The following CELF4 variants were observed in gnomAD, a reference collection of about 807,000 sequenced individuals.
CELF4 encodes the protein CUGBP Elav-like family member 4, also known as CUG-BP- and ETR-3-like factor 4.
In CELF4, 18 loss-of-function variants were observed where a neutral mutation model predicts 59.9. The ratio of observed to expected loss-of-function variants is 0.30; its 90% CI spans 0.21 to 0.45. The LOEUF (loss-of-function observed/expected upper bound fraction) is 0.45, where lower values mean the gene tolerates loss of function less well. CELF4 is among the 20% of genes least tolerant of loss of function. CELF4 has a pLI of 1.00. For missense variants in CELF4, 456 were observed against 689.0 expected (o/e 0.66, Z 3.79); for synonymous variants, 261 against 267.1 (o/e 0.98, Z 0.22).
Position 37,275,101 on chromosome 18 carries a change from C to T in CELF4, c.577+14G>A, listed in dbSNP as rs751197077. 1 of 1,611,870 alleles carries T rather than the reference C, an allele frequency of 6.2e-7. No individual in the cohort carries two copies. The highest frequency in any genetic ancestry group is 1.1e-5 in the South Asian group (1 of 91,018). On this transcript the variant is annotated intron_variant, in intron 4 of 12. Coordinates refer to ENST00000420428, the MANE Select transcript of CELF4 (RefSeq NM_020180.4). The stretch of plus-strand genomic sequence containing the variant: ...CTCCCTCCGGGGCATCCCTCCCGGC[C>T]CCGCCCCGCGCACCCTTGCTGTTGC...
intron 1 of CELF4, among the ~76,000 whole-genome samples, chr18:37,491,727 C>T (rs1332197908): frequency 3.3e-5 from 5 of 152,098 alleles, no homozygotes; most frequent in African/African-American, 7.2e-5. Context: ...AGGGTGCTGT[C>T]GGGCTAGGGT....
intron 2 of CELF4, among the ~76,000 whole-genome samples, chr18:37,374,335 A>G (rs947762981): frequency 3.3e-5 from 5 of 152,150 alleles, no homozygotes; most frequent in African/African-American, 1.2e-4. Context: ...GGCGGTCCTC[A>G]CTGCCTGGTG....
intron 2 of CELF4, among the ~76,000 whole-genome samples, chr18:37,460,905 GA>G (rs2099791632): frequency 6.6e-6 from 1 of 152,166 alleles, no homozygotes; most frequent in Non-Finnish European, 1.5e-5. Flanking sequence ...TTTGCTATGG[GA>G]AAGGAAAAAA....
At chr18:37,447,453 A>G (rs1164261580) in intron 2 of CELF4, among the ~76,000 whole-genome samples, 2 of 152,090 alleles carry the variant, frequency 1.3e-5, no homozygotes, top group Admixed American at 1.3e-4. Context: ...CCTCACTTGC[A>G]CCCCGTGCTC....
rs193276172 is a variant in CELF4, at chr18:37,554,211, G to A, written c.286+11145C>T. Reference sequence around the variant, plus strand: ...CCTGGGAACTGTCTGGGGCAGCCTCGGGGGCTGGGGCTCTGCAAGGAAGGC... The same window carrying A: ...CCTGGGAACTGTCTGGGGCAGCCTCAGGGGCTGGGGCTCTGCAAGGAAGGC... On this transcript the variant is annotated intron_variant, in intron 1 of 12. Transcript: ENST00000420428. Among the ~76,000 whole-genome samples the A allele has an allele frequency of 3.0e-3, 455 of 152,294 alleles. 7 individuals are homozygous for A. The highest frequency in any genetic ancestry group is 0.011 in the African/African-American group (444 of 41,572).
At chr18:37,497,222 C>G (rs552956602) in intron 1 of CELF4, among the ~76,000 whole-genome samples, 31 of 152,178 alleles carry the variant, frequency 2.0e-4, no homozygotes, top group Non-Finnish European at 1.5e-5. Context: ...TACACAAGAC[C>G]CAACAAACCA....
chr18:37,365,538 T>A (rs1251979640), intron 2 of CELF4, among the ~76,000 whole-genome samples: 2 of 130,788 alleles, frequency 1.5e-5, no homozygotes, highest in African/African-American at 5.9e-5. Context: ...CAGGCTGGAG[T>A]GCAATCATGC....
intron 3 of CELF4, among the ~76,000 whole-genome samples, chr18:37,295,674 A>G (rs2095597492): frequency 6.6e-6 from 1 of 152,252 alleles, no homozygotes; most frequent in South Asian, 2.1e-4. Context: ...AAGTTCACCT[A>G]CAATCAAACA....
intron 1 of CELF4, among the ~76,000 whole-genome samples, chr18:37,493,162 C>A (rs2099911978): frequency 6.6e-6 from 1 of 152,216 alleles, no homozygotes. Context: ...CTTCTCCACC[C>A]CCATGGGGTA....
chr18:37,412,677 T>G (rs1196411053), intron 2 of CELF4, among the ~76,000 whole-genome samples: 18 of 152,144 alleles, frequency 1.2e-4, no homozygotes, highest in Non-Finnish European at 1.5e-5. Flanking sequence ...GATGAGTGCA[T>G]GTGTGTATGG....
intron 2 of CELF4, 95 bp downstream of exon 2, chr18:37,485,430 C>T: frequency 3.3e-6 from 2 of 607,952 alleles, no homozygotes; most frequent in Non-Finnish European, 4.2e-6. Context: ...GGGCGCCCTG[C>T]CGTCCTCTCC....
intron 11 of CELF4, among the ~76,000 whole-genome samples, chr18:37,257,281 C>T (rs963163481): frequency 6.6e-6 from 1 of 152,204 alleles, no homozygotes; most frequent in African/African-American, 2.4e-5. Flanking sequence ...CCTGGGCTCT[C>T]AGCAGCGCTC....
At chr18:37,298,644 A>C (rs2154442851) in intron 3 of CELF4, among the ~76,000 whole-genome samples, 1 of 151,892 alleles carries the variant, frequency 6.6e-6, no homozygotes, top group East Asian at 1.9e-4. Context: ...AGAATCGCTT[A>C]AACCTGGGAG....
At chr18:37,381,110 TCATCCATCCATC>T (rs373054331) in intron 2 of CELF4, among the ~76,000 whole-genome samples, 1,995 of 134,632 alleles carry the variant, frequency 0.015, 33 homozygotes, top group African/African-American at 0.05. Context: ...CCATCCACCA[TCATCCATCCATC>T]CATCCATCCA....
intron 8 of CELF4, among the ~76,000 whole-genome samples, chr18:37,268,554 T>C (rs919428253): frequency 6.6e-6 from 1 of 152,194 alleles, no homozygotes; most frequent in Admixed American, 6.5e-5. Context: ...GCCAGGAACA[T>C]CATAAGCATC....
intron 3 of CELF4, among the ~76,000 whole-genome samples, chr18:37,310,798 CTG>C (rs2096619163): frequency 6.6e-6 from 1 of 152,256 alleles, no homozygotes; most frequent in Admixed American, 6.5e-5. Context: ...TCACTCTGTG[CTG>C]TGTGGAGGAC....
At chr18:37,552,521 C>G (rs1471043453) in intron 1 of CELF4, among the ~76,000 whole-genome samples, 3 of 152,264 alleles carry the variant, frequency 2.0e-5, no homozygotes, top group Admixed American at 6.5e-5. Context: ...CCTCCTCCAG[C>G]CTTGGCTGGT....
intron 2 of CELF4, among the ~76,000 whole-genome samples, chr18:37,378,784 A>AGTAGCTGTG (rs2099001841): frequency 6.6e-6 from 1 of 152,146 alleles, no homozygotes; most frequent in South Asian, 2.1e-4. Flanking sequence ...CAGAGGAAGG[A>AGTAGCTGTG]GTAGCTGTGG....
intron 2 of CELF4, among the ~76,000 whole-genome samples, chr18:37,345,925 T>C (rs2098239541): frequency 6.6e-6 from 1 of 152,132 alleles, no homozygotes; most frequent in Admixed American, 6.5e-5. Context: ...TCCCAGTGCA[T>C]GCCTGGCCCC....
Sources: allele counts gnomAD v4.1 joint callset (sites outside exome capture counted in the v4.1 genomes callset), GRCh38; gene constraint gnomAD v4.1.1; transcripts MANE v1.5; gene names NCBI Gene and HGNC (gene_info 2026-07-23, HGNC 2026-07-21).